Variants in MYO6 observed in about 807,000 individuals in gnomAD.
The protein encoded by MYO6 is unconventional myosin-VI.
MYO6 carries 74 observed loss-of-function variants against 178.7 expected under a neutral mutation model. The ratio of observed to expected loss-of-function variants is 0.41; its 90% CI spans 0.34 to 0.50. MYO6 has a LOEUF of 0.50. MYO6 is among the 20% of genes least tolerant of loss of function. The pLI, the probability that MYO6 is intolerant of heterozygous loss-of-function variation, is 0.09. For missense variants in MYO6, 1,330 were observed against 1,547.4 expected (o/e 0.86, Z 2.36); for synonymous variants, 477 against 504.6 (o/e 0.95, Z 0.73).
chr6:75,756,513 A>G (rs1341992780), intron 1 of MYO6, among the ~76,000 whole-genome samples: 1 of 151,982 alleles, frequency 6.6e-6, no homozygotes, highest in Non-Finnish European at 1.5e-5. Flanking sequence ...TTGTATTTGT[A>G]GTAGAGGTGG....
At chr6:75,783,108 G>T (rs1767154591) in intron 1 of MYO6, among the ~76,000 whole-genome samples, 1 of 151,664 alleles carries the variant, frequency 6.6e-6, no homozygotes, top group African/African-American at 2.4e-5. Flanking sequence ...GTAGAGATGG[G>T]GTCTTGCTAT....
Position 75,914,190 on chromosome 6 carries a change from A to G in MYO6, c.3567A>G (p.Lys1189=), listed in dbSNP as rs1437192215. The change falls in exon 34 of 35, where the codon AAA becomes AAG. Residue 1189 remains lysine (K), a synonymous_variant. Transcript: ENST00000369977. ...ADQYKDPQSK[K]KGWWYAHFDG... ...AGTACAAAGACCCTCAGAGTAAGAA[A>G]AAAGGCTGGTGGTATGCCCATTTTG... 4.3e-6 allele frequency: 7 copies of G among 1,614,074 alleles called. No individual in the cohort carries two copies. In the African/African-American group the frequency reaches 8.0e-5, roughly 18 times the overall value.
chr6:75,799,389 T>TA (rs11358717), intron 1 of MYO6, among the ~76,000 whole-genome samples: 69 of 133,742 alleles, frequency 5.2e-4, no homozygotes, highest in South Asian at 2.7e-3. Context: ...AAACTCTGTC[T>TA]AAAAAAAAAA....
intron 1 of MYO6, among the ~76,000 whole-genome samples, chr6:75,770,356 G>A (rs978839291): frequency 6.6e-6 from 1 of 152,204 alleles, no homozygotes; most frequent in Non-Finnish European, 1.5e-5. Flanking sequence ...GATACAAAGA[G>A]AAATTCCGTA....
chr6:75,864,347 C>T (rs1776467358), intron 16 of MYO6, among the ~76,000 whole-genome samples: 1 of 152,184 alleles, frequency 6.6e-6, no homozygotes, highest in African/African-American at 2.4e-5. Context: ...TTAACCTTCA[C>T]TAGGGACTAA....
At chr6:75,771,991 ACT>A (rs777302314) in intron 1 of MYO6, among the ~76,000 whole-genome samples, 74 of 152,118 alleles carry the variant, frequency 4.9e-4, no homozygotes, top group Non-Finnish European at 6.5e-4. Flanking sequence ...AAAGTAGAAC[ACT>A]CTCTGGGATA....
intron 1 of MYO6, among the ~76,000 whole-genome samples, chr6:75,815,934 C>T (rs940045453): frequency 2.0e-5 from 3 of 152,196 alleles, no homozygotes; most frequent in African/African-American, 7.2e-5. Context: ...TCCATTGTTA[C>T]ATTTTAGTCT....
chr6:75,914,777 G>A (rs774569061), intron 34 of MYO6, 36 bp from the exon 35 acceptor site: 2 of 1,597,128 alleles, frequency 1.3e-6, no homozygotes, highest in African/African-American at 2.7e-5. Flanking sequence ...GTCCTGAAGA[G>A]AGAGATGGTA....
In MYO6 at chr6:75,848,126, C is replaced by T. The variant is rs184448747; in HGVS notation, c.898-225C>T. Reference sequence around the variant, plus strand: ...TTCATTATTTTAATTGAAATTTTTACGGATAAGTGTAGATTCACATGTAGT... The same window carrying T: ...TTCATTATTTTAATTGAAATTTTTATGGATAAGTGTAGATTCACATGTAGT... On this transcript the variant is annotated intron_variant, in intron 10 of 34. Transcript: ENST00000369977. Among the ~76,000 whole-genome samples the T allele has an allele frequency of 5.4e-4, 82 of 152,032 alleles. 1 individual carries two copies. In the East Asian group the frequency reaches 0.013, roughly 23 times the overall value.
intron 7 of MYO6, among the ~76,000 whole-genome samples, chr6:75,838,320 G>A (rs151314670): frequency 1.3e-5 from 2 of 152,222 alleles, no homozygotes; most frequent in East Asian, 1.9e-4. Context: ...GCCTCCCAAA[G>A]TGTTGGTATT....
At chr6:75,763,446 C>T (rs754480752) in intron 1 of MYO6, among the ~76,000 whole-genome samples, 3 of 152,076 alleles carry the variant, frequency 2.0e-5, no homozygotes, top group African/African-American at 2.4e-5. Context: ...TAATAAAATA[C>T]GGATTTTTCA....
intron 9 of MYO6, among the ~76,000 whole-genome samples, chr6:75,842,845 TAG>T (rs1180481348): frequency 6.6e-6 from 1 of 152,082 alleles, no homozygotes; most frequent in African/African-American, 2.4e-5. Flanking sequence ...CTTGGGAGTA[TAG>T]TATTTTTGGG....
At position 75,862,581 on chromosome 6, in the gene MYO6, C is replaced by T. The variant is rs759330921; in HGVS notation, c.1547-15C>T. 1.9e-6 allele frequency: 3 copies of T among 1,606,718 alleles called. No individual in the cohort carries two copies. The highest frequency in any genetic ancestry group is 1.1e-5 in the South Asian group (1 of 90,886). ...GTTTTTACACTATTGTGAGTGTTTT[C>T]ATTTTTTGAAATAGATTTAATTGAA... On this transcript the variant is annotated splice_polypyrimidine_tract_variant and intron_variant, in intron 15 of 34. Coordinates refer to ENST00000369977, the MANE Select transcript of MYO6 (RefSeq NM_004999.4).
chr6:75,866,515 T>A lies in MYO6; in HGVS notation c.1675-11T>A. The A allele has an allele frequency of 6.3e-7, 1 of 1,596,128 alleles. No homozygotes were observed. Among genetic ancestry groups the A allele is most frequent in the Non-Finnish European group, 8.6e-7 (1 of 1,163,590 alleles). On this transcript the variant is annotated splice_polypyrimidine_tract_variant and intron_variant, in intron 16 of 34. Coordinates refer to ENST00000369977, the MANE Select transcript of MYO6 (RefSeq NM_004999.4). The stretch of plus-strand genomic sequence containing the variant: ...GATCATTTAATAACTCATATATGTA[T>A]TGTTTTTCAGATTCCCAGAAAATCT...
At chr6:75,769,205 C>A (rs1050649984) in intron 1 of MYO6, among the ~76,000 whole-genome samples, 3 of 152,158 alleles carry the variant, frequency 2.0e-5, no homozygotes, top group Non-Finnish European at 4.4e-5. Context: ...AATGTCCAAA[C>A]CATATCTTTC....
In MYO6 at chr6:75,900,771, C is replaced by A. The variant is rs1276365782; in HGVS notation, c.3176+2360C>A. On this transcript the variant is annotated intron_variant, in intron 30 of 34. Coordinates refer to ENST00000369977, the MANE Select transcript of MYO6 (RefSeq NM_004999.4). The stretch of plus-strand genomic sequence containing the variant: ...CATTTGTCAATTTTGGCTTTTGTTG[C>A]CATTGCTTTTGGTGTTTTAGACATG... 1.2e-4 allele frequency among the ~76,000 whole-genome samples: 18 copies of A among 151,584 alleles called. No homozygotes were observed. The East Asian group carries it at 3.1e-3, about 26-fold the overall frequency.
intron 12 of MYO6, 95 bp from the exon 13 acceptor site, chr6:75,857,002 T>C (rs1236815696): frequency 1.8e-5 from 21 of 1,171,658 alleles, no homozygotes; most frequent in Non-Finnish European, 2.5e-5. Context: ...ACTCTTTATT[T>C]TGTTCTTCTC....
At chr6:75,869,158 TC>T (rs1776939381) in intron 18 of MYO6, among the ~76,000 whole-genome samples, 1 of 149,634 alleles carries the variant, frequency 6.7e-6, no homozygotes, top group African/African-American at 2.4e-5. Context: ...TTATTTTCTT[TC>T]CAAATTAGTC....
At chr6:75,887,118 A>G (rs1339929351) in intron 25 of MYO6, 124 bp downstream of exon 25, 7 of 865,820 alleles carry the variant, frequency 8.1e-6, no homozygotes, top group African/African-American at 5.1e-5. Flanking sequence ...TTGAGACTCA[A>G]TGATGGCAAG....
Sources: gnomAD v4.1 joint callset for allele counts (sites outside exome capture counted in the v4.1 genomes callset) on GRCh38, gnomAD v4.1.1 for gene constraint, MANE v1.5 for transcripts, NCBI Gene and HGNC (gene_info 2026-07-23, HGNC 2026-07-21) for gene names.